Variants in DCBLD1 observed in about 807,000 individuals in gnomAD.
DCBLD1 encodes discoidin, CUB and LCCL domain-containing protein 1.
Under a neutral mutation model 71.5 loss-of-function variants are expected in DCBLD1, and 57 were observed. That is an observed-to-expected ratio of 0.80 (90% CI 0.64 to 0.99). The LOEUF is 0.99. Ranked by LOEUF, DCBLD1 falls within the 50% of genes least tolerant of loss-of-function variation. DCBLD1 has a pLI of 0.00. For synonymous variants in DCBLD1, 380 were observed against 363.8 expected (o/e 1.04, Z -0.51); for missense variants, 891 against 923.5 (o/e 0.96, Z 0.46).
chr6:117,483,744 T>C (rs1776987347), intron 1 of DCBLD1, among the ~76,000 whole-genome samples: 1 of 152,000 alleles, frequency 6.6e-6, no homozygotes, highest in African/African-American at 2.4e-5. Flanking sequence ...TGCCGAGTTG[T>C]TTCAGTGTTT....
At chr6:117,521,737 G>A (rs9689349) in intron 4 of DCBLD1, among the ~76,000 whole-genome samples, 161 bp downstream of exon 4, 14,238 of 152,170 alleles carry the variant, frequency 0.094, 1,767 homozygotes, top group African/African-American at 0.28. Flanking sequence ...CAGGAAGTCA[G>A]CAAACCTTTT....
chr6:117,512,612 A>G (rs1778059676), intron 2 of DCBLD1, among the ~76,000 whole-genome samples: 1 of 152,190 alleles, frequency 6.6e-6, no homozygotes, highest in African/African-American at 2.4e-5. Flanking sequence ...GATCTGGGCC[A>G]CGAGAAGTAC....
At chr6:117,492,868 A>G (rs1777342099) in intron 1 of DCBLD1, among the ~76,000 whole-genome samples, 1 of 152,142 alleles carries the variant, frequency 6.6e-6, no homozygotes, top group Non-Finnish European at 1.5e-5. Context: ...ATGGTGCATA[A>G]ACCTACGCTT....
At chr6:117,566,709 A>T (rs563894015) in intron 14 of DCBLD1, 2 of 536,618 alleles carry the variant, frequency 3.7e-6, no homozygotes, top group South Asian at 6.8e-5. Context: ...AGCATAGTAT[A>T]CAATAAAACA....
At chr6:117,490,132 GC>G (rs1777241083) in intron 1 of DCBLD1, among the ~76,000 whole-genome samples, 1 of 144,690 alleles carries the variant, frequency 6.9e-6, no homozygotes, top group Non-Finnish European at 1.5e-5. Context: ...CACCCCTATA[GC>G]AAATACATGT....
chr6:117,508,480 G>A (rs1777909664), intron 2 of DCBLD1, among the ~76,000 whole-genome samples: 1 of 152,086 alleles, frequency 6.6e-6, no homozygotes, highest in African/African-American at 2.4e-5. Context: ...ATATAATGTT[G>A]TATTTATTTA....
At chr6:117,521,479 A>G in intron 3 of DCBLD1, 46 bp from the exon 4 acceptor site, 1 of 1,459,612 alleles carries the variant, frequency 6.9e-7, no homozygotes, top group South Asian at 1.2e-5. Context: ...TGAGTGTCCT[A>G]GTTTTTATTC....
At chr6:117,550,525 A>G (rs1030905874), downstream of DCBLD1, among the ~76,000 whole-genome samples, 3 of 152,208 alleles carry the variant, frequency 2.0e-5, no homozygotes, top group East Asian at 1.9e-4. Flanking sequence ...CACATTTGCT[A>G]TGACAAGCAA....
chr6:117,563,328 T>G lies in DCBLD1; in HGVS notation c.1616-6292T>G. On this transcript the variant is annotated intron_variant, in intron 14 of 14. Transcript: ENST00000296955. ...GCACCGTCATCTAGCGGAGTTTCAC[T>G]TGCAGTGCCCAGGTCTCCATTTTCA... The G allele has an allele frequency of 6.2e-7, 1 of 1,613,244 alleles. No homozygotes were observed. Among genetic ancestry groups the G allele is most frequent in the Non-Finnish European group, 8.5e-7 (1 of 1,179,246 alleles).
At chr6:117,511,584 A>G (rs1393027292) in intron 2 of DCBLD1, among the ~76,000 whole-genome samples, 1 of 152,224 alleles carries the variant, frequency 6.6e-6, no homozygotes, top group African/African-American at 2.4e-5. Context: ...AATAGTTGGA[A>G]ATAATGCGAA....
At position 117,482,705 on chromosome 6, in the gene DCBLD1, C is replaced by A; in HGVS notation, c.-77C>A. 1 of 1,096,350 alleles carries A rather than the reference C, an allele frequency of 9.1e-7. No homozygotes were observed. The highest frequency in any genetic ancestry group is 4.5e-5 in the South Asian group (1 of 22,340). 67.9% of individuals were successfully genotyped at this position (1,096,350 alleles called of 1,614,324 possible). A position where few individuals can be genotyped will look rare whatever the true frequency, so the allele number is the denominator to read the frequency against. On this transcript the variant is annotated 5_prime_UTR_variant, in exon 1 of 15. Transcript: ENST00000338728. The stretch of plus-strand genomic sequence containing the variant: ...GCGCCGCGCTCGTCCGCAGAGGAGG[C>A]GGCCCGGCCCGGGCAGCTGCGGCTC...
At chr6:117,559,260 G>A (rs1379571918) in intron 14 of DCBLD1, among the ~76,000 whole-genome samples, 2 of 152,170 alleles carry the variant, frequency 1.3e-5, no homozygotes, top group African/African-American at 4.8e-5. Flanking sequence ...ATGCCAGTGA[G>A]GAAAAATAGG....
chr6:117,548,662 G>C lies in DCBLD1; in HGVS notation c.*223G>C, dbSNP rs1779361443. 2 of 1,417,214 alleles carry C rather than the reference G, an allele frequency of 1.4e-6. No homozygotes were observed. The highest frequency in any genetic ancestry group is 1.8e-6 in the Non-Finnish European group (2 of 1,092,426). The allele number at this position is 1,417,214 out of a possible 1,614,324, so 87.8% of individuals were successfully genotyped here. A position where few individuals can be genotyped will look rare whatever the true frequency, so the allele number is the denominator to read the frequency against. On this transcript the variant is annotated 3_prime_UTR_variant, in exon 15 of 15. Transcript: ENST00000338728. ...CCTTAGGGTGCGTCTGTTGGGTTTTGTTGGGCTAGAAAAATGAAAATTTTC... is the reference window on the plus strand; with the variant it reads ...CCTTAGGGTGCGTCTGTTGGGTTTTCTTGGGCTAGAAAAATGAAAATTTTC...
downstream of DCBLD1, among the ~76,000 whole-genome samples, chr6:117,554,382 CT>C (rs34924376): frequency 1.1e-4 from 16 of 152,142 alleles, no homozygotes; most frequent in African/African-American, 3.4e-4. Context: ...CTATTTATTC[CT>C]TTTTTTCCCC....
At chr6:117,556,935 C>T (rs565159539) in intron 14 of DCBLD1, among the ~76,000 whole-genome samples, 11 of 152,170 alleles carry the variant, frequency 7.2e-5, no homozygotes, top group Non-Finnish European at 1.3e-4. Flanking sequence ...GATGATATCT[C>T]ATTGTGGTTT....
At chr6:117,552,882 A>C (rs1779449978), downstream of DCBLD1, among the ~76,000 whole-genome samples, 1 of 151,768 alleles carries the variant, frequency 6.6e-6, no homozygotes, top group Non-Finnish European at 1.5e-5. Context: ...TAGATACCAA[A>C]CCCCTAGATC....
At chr6:117,494,225 A>C (rs774302200) in intron 1 of DCBLD1, among the ~76,000 whole-genome samples, 1 of 152,192 alleles carries the variant, frequency 6.6e-6, no homozygotes, top group Non-Finnish European at 1.5e-5. Flanking sequence ...GCTCACATCT[A>C]TGTGCAAAGG....
intron 7 of DCBLD1, among the ~76,000 whole-genome samples, chr6:117,537,537 A>G (rs1474732875): frequency 6.6e-6 from 1 of 151,488 alleles, no homozygotes; most frequent in Admixed American, 6.6e-5. Flanking sequence ...CCATCTCAAA[A>G]AAAAAAAAAA....
rs140005014 is a variant in DCBLD1, at chr6:117,497,744, T to C, written c.113-6023T>C. Reference sequence around the variant, plus strand: ...TTGTTTCCTGAATTTTTAATGACAGTCCGTGACTTCTTCCTATCTGTATTA... The same window carrying C: ...TTGTTTCCTGAATTTTTAATGACAGCCCGTGACTTCTTCCTATCTGTATTA... On this transcript the variant is annotated intron_variant, in intron 1 of 14. Transcript: ENST00000338728. Among the ~76,000 whole-genome samples, 506 of 152,306 alleles carry C rather than the reference T, an allele frequency of 3.3e-3. 5 individuals carry two copies. Among genetic ancestry groups the C allele is most frequent in the African/African-American group, 0.011 (470 of 41,568 alleles).
Sources: gnomAD v4.1 joint callset for allele counts (sites outside exome capture counted in the v4.1 genomes callset) on GRCh38, gnomAD v4.1.1 for gene constraint, MANE v1.5 for transcripts, NCBI Gene and HGNC (gene_info 2026-07-23, HGNC 2026-07-21) for gene names.